Variants in PDS5A observed in about 807,000 individuals in gnomAD.
PDS5A encodes the protein PDS5 cohesin associated factor A, also known as sister chromatid cohesion protein PDS5 homolog A.
PDS5A carries 42 observed loss-of-function variants against 167.1 expected under a neutral mutation model. The observed-to-expected ratio is 0.25, with a 90% CI of 0.20 to 0.33. The LOEUF (loss-of-function observed/expected upper bound fraction) is 0.33, where lower values mean the gene tolerates loss of function less well. Ranked by LOEUF, PDS5A falls within the 10% of genes least tolerant of loss-of-function variation. The probability of loss-of-function intolerance (pLI) is 1.00; values close to 1 mark genes in which losing one functional copy is unlikely to be tolerated. For missense variants in PDS5A, 1,033 were observed against 1,605.9 expected, an observed-to-expected ratio of 0.64 and a Z score of 6.10; for synonymous variants, 553 against 554.6, an observed-to-expected ratio of 1.00 and a Z score of 0.04.
At chr4:39,900,157 T>C (rs1290529039) in intron 14 of PDS5A, among the ~76,000 whole-genome samples, 1 of 152,184 alleles carries the variant, frequency 6.6e-6, no homozygotes, top group African/African-American at 2.4e-5. Context: ...ATTCTAATTA[T>C]TTGAAAATTG....
chr4:39,964,987 T>C (rs1729843311), intron 2 of PDS5A, among the ~76,000 whole-genome samples: 2 of 152,102 alleles, frequency 1.3e-5, no homozygotes, highest in Admixed American at 6.5e-5. Flanking sequence ...AAAGTACACA[T>C]GGTTAGCATA....
rs182281364 is a variant in PDS5A, at chr4:39,956,772, A to C, written c.138+19668T>G. The stretch of plus-strand genomic sequence containing the variant: ...ACTGTACACTTAATCTCCTTGGCTT[A>C]AACAATCCTCCTGCCTCAGCCTCCA... On this transcript the variant is annotated intron_variant, in intron 2 of 32. Coordinates refer to ENST00000303538, the MANE Select transcript of PDS5A (RefSeq NM_001100399.2). Among the ~76,000 whole-genome samples the C allele has an allele frequency of 6.6e-5, 10 of 151,958 alleles. No homozygotes were observed. The East Asian group carries it at 1.7e-3, about 27-fold the overall frequency.
intron 32 of PDS5A, among the ~76,000 whole-genome samples, chr4:39,833,318 C>T (rs969293908): frequency 1.3e-5 from 2 of 151,138 alleles, no homozygotes; most frequent in African/African-American, 2.4e-5. Flanking sequence ...GGAAGAATGG[C>T]GAAATCACTG....
intron 29 of PDS5A, 141 bp downstream of exon 29, chr4:39,845,677 C>A: frequency 2.1e-6 from 2 of 955,806 alleles, no homozygotes; most frequent in Non-Finnish European, 2.7e-6. Context: ...AGCATGGCTG[C>A]TTTAGATGCT....
At chr4:39,842,587 T>G (rs771222671) in intron 30 of PDS5A, among the ~76,000 whole-genome samples, 14 of 152,064 alleles carry the variant, frequency 9.2e-5, no homozygotes, top group Non-Finnish European at 1.9e-4. Context: ...TTCTTAAGAT[T>G]TCATGTGTAA....
At chr4:39,914,164 T>G (rs1156597399) in intron 8 of PDS5A, among the ~76,000 whole-genome samples, 1 of 113,762 alleles carries the variant, frequency 8.8e-6, no homozygotes, top group African/African-American at 3.2e-5. Flanking sequence ...ACAAATTTGT[T>G]TTTTTTTTTT....
intron 11 of PDS5A, among the ~76,000 whole-genome samples, chr4:39,908,080 C>T (rs1044048381): frequency 3.3e-5 from 5 of 152,030 alleles, no homozygotes; most frequent in African/African-American, 4.8e-5. Flanking sequence ...TAAGAATAGA[C>T]GATCAATCAC....
chr4:39,842,024 A>G lies in PDS5A; in HGVS notation c.3581T>C (p.Val1194Ala). ...CACAGGGTTCTCTTCATTTTCACTA[A>G]CTCCAGTTTCTGCTGCCTCTGAACT... Reference protein sequence around the residue: ...EQSSEAAETGVSENEENPVRI... With the variant: ...EQSSEAAETGASENEENPVRI... Residue 1194 changes from valine to alanine, a missense_variant, in exon 31 of 33, where the codon GTT becomes GCT. Around this residue, in one of 4 missense-constraint regions of PDS5A, gnomAD observed 233 missense variants for 264.0 expected, o/e 0.88. Coordinates refer to ENST00000303538, the MANE Select transcript of PDS5A (RefSeq NM_001100399.2). 1 of 1,609,290 alleles carries G rather than the reference A, an allele frequency of 6.2e-7. No homozygotes were observed. The highest frequency in any genetic ancestry group is 8.5e-7 in the Non-Finnish European group (1 of 1,175,674).
At chr4:39,972,674 C>CTT (rs35374040) in intron 2 of PDS5A, among the ~76,000 whole-genome samples, 8 of 144,452 alleles carry the variant, frequency 5.5e-5, no homozygotes, top group African/African-American at 1.3e-4. Flanking sequence ...CACAACTTTC[C>CTT]TTTTTTTTTT....
chr4:39,928,217 A>G, intron 2 of PDS5A, 53 bp from the exon 3 acceptor site: 1 of 1,228,370 alleles, frequency 8.1e-7, no homozygotes. Context: ...TTTAGAAATC[A>G]GTGGAGGATG....
intron 2 of PDS5A, among the ~76,000 whole-genome samples, chr4:39,943,066 A>C (rs1383265713): frequency 6.6e-6 from 1 of 151,716 alleles, no homozygotes; most frequent in Non-Finnish European, 1.5e-5. Context: ...TCAGTAATTG[A>C]CCAAGTCTGA....
At chr4:39,963,084 CA>C (rs1231560756) in intron 2 of PDS5A, among the ~76,000 whole-genome samples, 1 of 151,868 alleles carries the variant, frequency 6.6e-6, no homozygotes, top group Non-Finnish European at 1.5e-5. Context: ...TCTGGGACAC[CA>C]AGGCAGGTGG....
intron 2 of PDS5A, among the ~76,000 whole-genome samples, chr4:39,958,475 C>A (rs1431455372): frequency 2.0e-5 from 3 of 147,830 alleles, no homozygotes; most frequent in Middle Eastern, 3.5e-3. Flanking sequence ...CCACTGCACA[C>A]CAGCCTGGGC....
At chr4:39,934,074 A>T (rs543413099) in intron 2 of PDS5A, among the ~76,000 whole-genome samples, 4 of 152,268 alleles carry the variant, frequency 2.6e-5, no homozygotes, top group South Asian at 4.2e-4. Context: ...TGCTGGTACT[A>T]ATCTATTAAA....
At chr4:39,859,594 G>C (rs946968839) in intron 26 of PDS5A, among the ~76,000 whole-genome samples, 9 of 152,182 alleles carry the variant, frequency 5.9e-5, no homozygotes, top group African/African-American at 2.2e-4. Context: ...CCTGAAGTAG[G>C]GGGAGAAGAA....
At chr4:39,900,314 T>C (rs1199189240) in intron 14 of PDS5A, 112 bp downstream of exon 14, 5 of 661,560 alleles carry the variant, frequency 7.6e-6, no homozygotes, top group Non-Finnish European at 1.3e-5. Flanking sequence ...TTAACTGACA[T>C]TTGGAAAATA....
intron 17 of PDS5A, among the ~76,000 whole-genome samples, chr4:39,880,895 TCTAG>T (rs1416435453): frequency 3.3e-5 from 5 of 152,172 alleles, no homozygotes; most frequent in African/African-American, 9.6e-5. Flanking sequence ...CATCCACCCA[TCTAG>T]CTGTGATTTT....
chr4:39,965,745 A>C (rs1729912636), intron 2 of PDS5A, among the ~76,000 whole-genome samples: 1 of 152,186 alleles, frequency 6.6e-6, no homozygotes. Context: ...AAAGTCATCT[A>C]GACAAAAAGC....
intron 2 of PDS5A, among the ~76,000 whole-genome samples, chr4:39,956,259 T>C (rs1728915108): frequency 6.6e-6 from 1 of 152,056 alleles, no homozygotes; most frequent in African/African-American, 2.4e-5. Context: ...TGGGAGGCTA[T>C]GGCAGGCAAA....
Sources: allele counts gnomAD v4.1 joint callset (sites outside exome capture counted in the v4.1 genomes callset), GRCh38; gene constraint gnomAD v4.1.1; regional missense constraint gnomAD v4.1.1; transcripts MANE v1.5; gene names NCBI Gene and HGNC (gene_info 2026-07-23, HGNC 2026-07-21).